Variants in RIC8B observed in about 807,000 individuals in gnomAD.
The protein encoded by RIC8B is chaperone Ric-8B.
In RIC8B, 16 loss-of-function variants were observed where a neutral mutation model predicts 57.5. The ratio of observed to expected loss-of-function variants is 0.28; its 90% confidence interval spans 0.19 to 0.42. The LOEUF is 0.42. Ranked by LOEUF, RIC8B falls within the 10% of genes least tolerant of loss-of-function variation. The pLI, the probability that RIC8B is intolerant of heterozygous loss-of-function variation, is 1.00. For missense variants in RIC8B, 481 were observed against 677.0 expected (o/e 0.71, Z 3.21); for synonymous variants, 216 against 250.8 (o/e 0.86, Z 1.31).
intron 2 of RIC8B, among the ~76,000 whole-genome samples, chr12:106,797,621 A>T (rs1378730078): frequency 6.6e-6 from 1 of 152,214 alleles, no homozygotes; most frequent in African/African-American, 2.4e-5. Context: ...AATGAATTGC[A>T]TGCTTTAACA....
chr12:106,847,237 A>G (rs1051252740), intron 6 of RIC8B, among the ~76,000 whole-genome samples: 8 of 152,214 alleles, frequency 5.3e-5, no homozygotes, highest in African/African-American at 1.9e-4. Context: ...TGTTGGAGGT[A>G]GTATTCTAGG....
intron 9 of RIC8B, among the ~76,000 whole-genome samples, chr12:106,872,051 T>C (rs7488485): frequency 0.019 from 2,930 of 152,304 alleles, 99 homozygotes; most frequent in African/African-American, 0.067. Context: ...CTAATAAGAC[T>C]AGAACTCAGT....
intron 4 of RIC8B, 91 bp from the exon 5 acceptor site, chr12:106,842,498 T>C: frequency 9.6e-7 from 1 of 1,040,078 alleles, no homozygotes; most frequent in South Asian, 1.6e-5. Context: ...AATTGACTCT[T>C]AAAAGTCACT....
chr12:106,813,439 C>T (rs971198666), intron 2 of RIC8B, among the ~76,000 whole-genome samples: 3 of 152,146 alleles, frequency 2.0e-5, no homozygotes, highest in Admixed American at 6.5e-5. Flanking sequence ...TTCCGCCTTC[C>T]TCAGCCTCTT....
chr12:106,874,667 T>A (rs978089789), intron 9 of RIC8B: 40 of 922,622 alleles, frequency 4.3e-5, no homozygotes, highest in Non-Finnish European at 6.1e-5. Context: ...AAAATTACAT[T>A]TCTATTTTGC....
Position 106,812,092 on chromosome 12 carries a change from G to A in RIC8B, c.133-2604G>A, listed in dbSNP as rs114517500. On this transcript the variant is annotated intron_variant, in intron 2 of 9. Transcript: ENST00000392837. ...TAAAAATTGTAATTTAAAAAGAGTC[G>A]TTGTCCAAAAAGTGGTATTAATTTT... Among the ~76,000 whole-genome samples, 623 of 152,054 alleles carry A rather than the reference G, an allele frequency of 4.1e-3. 3 individuals carry two copies. Among genetic ancestry groups the A allele is most frequent in the African/African-American group, 0.014 (597 of 41,480 alleles).
At chr12:106,854,432 G>C (rs774900287) in intron 7 of RIC8B, among the ~76,000 whole-genome samples, 2 of 152,110 alleles carry the variant, frequency 1.3e-5, no homozygotes, top group Non-Finnish European at 2.9e-5. Context: ...AGGCTCAAAG[G>C]TCAGACCACT....
intron 3 of RIC8B, among the ~76,000 whole-genome samples, chr12:106,821,001 C>T (rs534385413): frequency 6.6e-6 from 1 of 152,248 alleles, no homozygotes; most frequent in East Asian, 1.9e-4. Context: ...GGTATCATTT[C>T]AGGAGGAGAG....
chr12:106,830,102 G>T (rs2046293138), intron 4 of RIC8B, among the ~76,000 whole-genome samples: 1 of 152,152 alleles, frequency 6.6e-6, no homozygotes, highest in South Asian at 2.1e-4. Context: ...GTTTTGAAAT[G>T]AGTAAGTGTG....
chr12:106,825,412 G>A (rs2046051535), intron 3 of RIC8B, among the ~76,000 whole-genome samples: 1 of 152,140 alleles, frequency 6.6e-6, no homozygotes, highest in Non-Finnish European at 1.5e-5. Context: ...ATAATGGTTA[G>A]TAAACTGCAA....
chr12:106,780,742 T>G (rs1374710343), intron 1 of RIC8B, among the ~76,000 whole-genome samples: 4 of 152,248 alleles, frequency 2.6e-5, no homozygotes, highest in Non-Finnish European at 4.4e-5. Flanking sequence ...TTTATTCCCT[T>G]GTAGTAGTGC....
intron 2 of RIC8B, chr12:106,797,933 G>A (rs2044557109): frequency 6.1e-6 from 4 of 656,970 alleles, no homozygotes; most frequent in Non-Finnish European, 1.1e-5. Flanking sequence ...GGATTGACCT[G>A]TTGTGTAGTT....
chr12:106,872,669 CAAAA>C (rs11396158), intron 9 of RIC8B, among the ~76,000 whole-genome samples: 1 of 92,858 alleles, frequency 1.1e-5, no homozygotes, highest in East Asian at 3.3e-4. Context: ...AACTCTGTCT[CAAAA>C]AAAAAAAAAA....
intron 7 of RIC8B, 40 bp from the exon 8 acceptor site, chr12:106,860,228 C>T (rs912134869): frequency 1.3e-6 from 2 of 1,490,352 alleles, no homozygotes; most frequent in Non-Finnish European, 1.8e-6. Flanking sequence ...ATGGTGAAGA[C>T]CCAAGGATTC....
intron 2 of RIC8B, among the ~76,000 whole-genome samples, chr12:106,809,751 C>G (rs561636590): frequency 1.7e-4 from 26 of 152,122 alleles, no homozygotes; most frequent in African/African-American, 6.3e-4. Context: ...GATACTTTGA[C>G]ACAAGTGTAC....
At chr12:106,786,931 G>C (rs1200089454) in intron 2 of RIC8B, among the ~76,000 whole-genome samples, 1 of 152,132 alleles carries the variant, frequency 6.6e-6, no homozygotes, top group Non-Finnish European at 1.5e-5. Context: ...TGGTGCCTTA[G>C]AAATCTGACA....
intron 4 of RIC8B, among the ~76,000 whole-genome samples, chr12:106,837,104 C>G (rs1235867474): frequency 1.3e-5 from 2 of 152,250 alleles, no homozygotes; most frequent in African/African-American, 4.8e-5. Context: ...TGGCGCACAC[C>G]TGTAATCCCA....
At chr12:106,798,069 T>G (rs1332516081) in intron 2 of RIC8B, 1 of 716,934 alleles carries the variant, frequency 1.4e-6, no homozygotes, top group Non-Finnish European at 2.6e-6. Context: ...TGCTTGCCAG[T>G]GTAAGTGACT....
At chr12:106,775,519 A>G (rs1593044213) in intron 1 of RIC8B, 2 of 349,438 alleles carry the variant, frequency 5.7e-6, no homozygotes, top group Non-Finnish European at 1.2e-5. Flanking sequence ...TCTTACAGCA[A>G]TCCTGTGAGG....
Sources: gnomAD v4.1 joint callset for allele counts (sites outside exome capture counted in the v4.1 genomes callset) on GRCh38, gnomAD v4.1.1 for gene constraint, MANE v1.5 for transcripts, NCBI Gene and HGNC (gene_info 2026-07-23, HGNC 2026-07-21) for gene names.